Variants in STT3B observed in about 807,000 individuals in gnomAD.
The protein encoded by STT3B is STT3 oligosaccharyltransferase complex catalytic subunit B, also known as dolichyl-diphosphooligosaccharide--protein glycosyltransferase subunit STT3B.
In STT3B, 29 loss-of-function variants were observed where a neutral mutation model predicts 96.8. That is an observed-to-expected ratio of 0.30 (90% CI 0.22 to 0.41). STT3B has a LOEUF of 0.41. STT3B is among the 10% of genes least tolerant of loss of function. STT3B has a pLI of 1.00. For synonymous variants in STT3B, 367 were observed against 360.0 expected (o/e 1.02, Z -0.22); for missense variants, 640 against 1,022.3 (o/e 0.63, Z 5.10).
Position 31,600,458 on chromosome 3 carries a change from A to G in STT3B, c.876A>G (p.Ile292Met). Residue 292 changes from isoleucine to methionine, a missense_variant and splice_region_variant, in exon 5 of 16, where the codon ATA (isoleucine) becomes ATG (methionine). Ile to Met is a conservative substitution (Grantham distance 10, BLOSUM62 1). Around this residue, in one of 8 missense-constraint regions of STT3B, gnomAD observed 267 missense variants for 388.3 expected, o/e 0.69. Transcript: ENST00000295770. ...LMQRYSKRVYIAYSTFYIVGL... is the reference protein window; with the variant it reads ...LMQRYSKRVYMAYSTFYIVGL... ...AGAGATACAGCAAAAGAGTCTACAT[A>G]GGTAAGTAATTTGATTTTTGACATC... 6.8e-7 allele frequency: 1 copy of G among 1,460,530 alleles called. No homozygotes were observed. The highest frequency in any genetic ancestry group is 9.5e-7 in the Non-Finnish European group (1 of 1,051,382). 90.5% of individuals were successfully genotyped at this position (1,460,530 alleles called of 1,614,324 possible).
chr3:31,588,464 A>G (rs1698594931), intron 3 of STT3B, among the ~76,000 whole-genome samples: 12 of 152,010 alleles, frequency 7.9e-5, no homozygotes, highest in Admixed American at 7.9e-4. Flanking sequence ...TCCTTTTACA[A>G]AAATGTCTCT....
intron 1 of STT3B, among the ~76,000 whole-genome samples, chr3:31,562,493 G>T (rs973459352): frequency 1.3e-5 from 2 of 152,166 alleles, no homozygotes; most frequent in Non-Finnish European, 2.9e-5. Flanking sequence ...GGAGCTAGCT[G>T]GGTGGACCGG....
At chr3:31,571,080 T>A (rs1482946902) in intron 1 of STT3B, among the ~76,000 whole-genome samples, 1 of 152,094 alleles carries the variant, frequency 6.6e-6, no homozygotes, top group East Asian at 1.9e-4. Context: ...AACCTAATGT[T>A]TGGTCAAGAG....
At chr3:31,610,858 A>T (rs1301837105) in intron 5 of STT3B, among the ~76,000 whole-genome samples, 1 of 152,194 alleles carries the variant, frequency 6.6e-6, no homozygotes, top group Non-Finnish European at 1.5e-5. Flanking sequence ...CATTGGAATT[A>T]TCATCTCCAG....
chr3:31,563,764 A>G (rs907017431), intron 1 of STT3B, among the ~76,000 whole-genome samples: 1 of 152,216 alleles, frequency 6.6e-6, no homozygotes, highest in Admixed American at 6.5e-5. Flanking sequence ...GGATAGAGCC[A>G]GAACAAGTGC....
At chr3:31,603,547 C>T (rs987898738) in intron 5 of STT3B, among the ~76,000 whole-genome samples, 2 of 152,024 alleles carry the variant, frequency 1.3e-5, no homozygotes, top group South Asian at 4.1e-4. Context: ...TTAAAAGGAA[C>T]ACCCAAACCT....
At chr3:31,579,028 T>A (rs1180426648) in intron 2 of STT3B, among the ~76,000 whole-genome samples, 1 of 152,064 alleles carries the variant, frequency 6.6e-6, no homozygotes, top group Non-Finnish European at 1.5e-5. Flanking sequence ...TGTAAATGCA[T>A]GTTTTAGTCA....
At chr3:31,625,202 A>G in intron 12 of STT3B, 117 bp downstream of exon 12, 1 of 892,234 alleles carries the variant, frequency 1.1e-6, no homozygotes, top group Non-Finnish European at 1.7e-6. Context: ...AATTCTCAAA[A>G]TACTTTTTTA....
At position 31,616,843 on chromosome 3, in the gene STT3B, C is replaced by G. The variant is rs563309054; in HGVS notation, c.977-86C>G. The G allele has an allele frequency of 3.8e-4, 452 of 1,189,292 alleles. 1 individual carries two copies. The highest frequency in any genetic ancestry group is 4.9e-4 in the Non-Finnish European group (408 of 837,864). The allele number at this position is 1,189,292 out of a possible 1,614,324, so 73.7% of individuals were successfully genotyped here. On this transcript the variant is annotated intron_variant, in intron 6 of 15. Coordinates refer to ENST00000295770, the MANE Select transcript of STT3B (RefSeq NM_178862.3). Reference sequence around the variant, plus strand: ...AGTCTTTGATATGAATGGTGCAGGACATTCTAAGAAGCTCTTTCAAATGAA... The same window carrying G: ...AGTCTTTGATATGAATGGTGCAGGAGATTCTAAGAAGCTCTTTCAAATGAA...
At chr3:31,610,926 T>C (rs945468481) in intron 5 of STT3B, among the ~76,000 whole-genome samples, 1 of 152,220 alleles carries the variant, frequency 6.6e-6, no homozygotes, top group Non-Finnish European at 1.5e-5. Flanking sequence ...ATTTTCATGA[T>C]GTAATAAATG....
intron 3 of STT3B, among the ~76,000 whole-genome samples, chr3:31,581,197 C>T (rs1014349549): frequency 8.6e-5 from 13 of 151,850 alleles, no homozygotes; most frequent in Non-Finnish European, 1.6e-4. Context: ...AGATAAGCTG[C>T]ATGTACGCCA....
At chr3:31,598,959 G>A (rs1223921933) in intron 4 of STT3B, among the ~76,000 whole-genome samples, 3 of 152,014 alleles carry the variant, frequency 2.0e-5, no homozygotes, top group Non-Finnish European at 4.4e-5. Context: ...ACAGGCATGT[G>A]CCACCATGCC....
At chr3:31,604,633 T>C (rs754126638) in intron 5 of STT3B, among the ~76,000 whole-genome samples, 5 of 152,130 alleles carry the variant, frequency 3.3e-5, no homozygotes, top group Admixed American at 1.3e-4. Context: ...GTGTAAGGAG[T>C]GTATATTATA....
In STT3B at chr3:31,548,958, G is replaced by T. The variant is rs184701317; in HGVS notation, c.314+15646G>T. On this transcript the variant is annotated intron_variant, in intron 1 of 15. Transcript: ENST00000295770. ...ATGCAATACACATTACCATGTTACA[G>T]TCTTAAGAAGTTGTTCAGTTAACTG... Among the ~76,000 whole-genome samples the T allele has an allele frequency of 1.5e-4, 23 of 152,238 alleles. No individual in the cohort carries two copies. The East Asian group carries it at 1.5e-3, about 10-fold the overall frequency.
chr3:31,573,814 G>T (rs1698208459), intron 1 of STT3B, among the ~76,000 whole-genome samples: 1 of 152,160 alleles, frequency 6.6e-6, no homozygotes, highest in Non-Finnish European at 1.5e-5. Flanking sequence ...AGACTTGGGT[G>T]AATGACATCC....
chr3:31,550,826 T>C (rs1215498774), intron 1 of STT3B, among the ~76,000 whole-genome samples: 1 of 152,090 alleles, frequency 6.6e-6, no homozygotes, highest in Admixed American at 6.5e-5. Context: ...TTACTTTTAA[T>C]AGAGTTCATC....
rs186112163 is a variant in STT3B at position 31,541,356 on chromosome 3, T to C, written c.314+8044T>C. On this transcript the variant is annotated intron_variant, in intron 1 of 15. Coordinates refer to ENST00000295770, the MANE Select transcript of STT3B (RefSeq NM_178862.3). ...CTTTATAGTGATGACATCCTTCCTT[T>C]TTCTCATAGGTGGTAAACTCTGTGT... 2.1e-4 allele frequency among the ~76,000 whole-genome samples: 32 copies of C among 152,318 alleles called. No homozygotes were observed. The East Asian group carries it at 5.4e-3, about 26-fold the overall frequency.
intron 1 of STT3B, among the ~76,000 whole-genome samples, chr3:31,550,976 T>G (rs1697539898): frequency 6.6e-6 from 1 of 152,158 alleles, no homozygotes; most frequent in African/African-American, 2.4e-5. Context: ...TGCTGAATTT[T>G]GGGTATATAT....
At chr3:31,596,262 T>A (rs1318024167) in intron 3 of STT3B, among the ~76,000 whole-genome samples, 1 of 152,092 alleles carries the variant, frequency 6.6e-6, no homozygotes, top group Non-Finnish European at 1.5e-5. Flanking sequence ...GAAGTATTAA[T>A]TATGATAAAA....
Sources: allele counts gnomAD v4.1 joint callset (sites outside exome capture counted in the v4.1 genomes callset), GRCh38; gene constraint gnomAD v4.1.1; regional missense constraint gnomAD v4.1.1; transcripts MANE v1.5; gene names NCBI Gene and HGNC (gene_info 2026-07-23, HGNC 2026-07-21).